NEK7: variants seen among roughly 807,000 people sequenced by gnomAD.
NEK7 encodes NIMA related kinase 7.
NEK7 carries 18 observed loss-of-function variants against 44.6 expected under a neutral mutation model. The observed-to-expected ratio is 0.40, with a 90% CI of 0.28 to 0.60. NEK7 has a LOEUF of 0.60. NEK7 is among the 20% of genes least tolerant of loss of function. NEK7 has a pLI of 0.38. For synonymous variants in NEK7, 130 were observed against 121.1 expected (o/e 1.07, Z -0.48); for missense variants, 256 against 366.5 (o/e 0.70, Z 2.46).
chr1:198,297,080 T>A, intron 8 of NEK7, 47 bp from the exon 9 acceptor site: 1 of 1,231,552 alleles, frequency 8.1e-7, no homozygotes, highest in Non-Finnish European at 1.2e-6. Flanking sequence ...AAATCACCTT[T>A]TAAGTTACCA....
chr1:198,206,095 T>G (rs1244077753), intron 1 of NEK7, among the ~76,000 whole-genome samples: 1 of 152,178 alleles, frequency 6.6e-6, no homozygotes, highest in East Asian at 1.9e-4. Context: ...AGACATCATG[T>G]TTTTGTGTTT....
chr1:198,286,676 G>A (rs2102996029), intron 7 of NEK7, among the ~76,000 whole-genome samples: 1 of 152,284 alleles, frequency 6.6e-6, no homozygotes, highest in Non-Finnish European at 1.5e-5. Context: ...ACTCTAACCA[G>A]GCTAACATCA....
intron 9 of NEK7, among the ~76,000 whole-genome samples, chr1:198,314,671 A>G (rs139530815): frequency 0.012 from 1,867 of 151,984 alleles, 49 homozygotes; most frequent in African/African-American, 0.04. Flanking sequence ...CTCAGCTGCA[A>G]GTCTGTTTGA....
intron 1 of NEK7, among the ~76,000 whole-genome samples, chr1:198,209,738 C>T (rs1480353890): frequency 6.6e-6 from 1 of 151,896 alleles, no homozygotes; most frequent in South Asian, 2.1e-4. Flanking sequence ...TAGGCTCAAG[C>T]GATCCTCCTG....
At chr1:198,261,087 T>C (rs1336328832) in intron 3 of NEK7, among the ~76,000 whole-genome samples, 1 of 152,050 alleles carries the variant, frequency 6.6e-6, no homozygotes, top group Non-Finnish European at 1.5e-5. Flanking sequence ...GCAGTAGATA[T>C]CTTTTGTTTC....
Position 198,232,515 on chromosome 1 carries a change from G to T in NEK7, c.-28-38G>T, listed in dbSNP as rs183272896. 381 of 917,002 alleles carry T rather than the reference G, an allele frequency of 4.2e-4. 2 individuals are homozygous for T. In the African/African-American group the frequency reaches 5.5e-3, roughly 13 times the overall value. The allele number at this position is 917,002 out of a possible 1,614,324, so 56.8% of individuals were successfully genotyped here. On this transcript the variant is annotated intron_variant, in intron 1 of 9. Coordinates refer to ENST00000367385, the MANE Select transcript of NEK7 (RefSeq NM_133494.3). ...ATGATGAATGATGTGAATTGGTAATGATTACATTATTTAAATTTCAACTTT... is the reference window on the plus strand; with the variant it reads ...ATGATGAATGATGTGAATTGGTAATTATTACATTATTTAAATTTCAACTTT...
rs746093848 is a variant in NEK7 at position 198,276,384 on chromosome 1, TCAAA to T, written c.373-1574_373-1571del. 2.0e-5 allele frequency among the ~76,000 whole-genome samples: 3 copies of T among 151,804 alleles called. No homozygotes were observed. The East Asian group carries it at 5.8e-4, about 29-fold the overall frequency. ...CCTGGTCCCCATCTTCCTGTTGACATCAAACAGTCCTCTGATATGCTAATCCAGC... is the reference window on the plus strand; with the variant it reads ...CCTGGTCCCCATCTTCCTGTTGACATCAGTCCTCTGATATGCTAATCCAGC... On this transcript the variant is annotated intron_variant, in intron 5 of 9. Coordinates refer to ENST00000367385, the MANE Select transcript of NEK7 (RefSeq NM_133494.3).
chr1:198,287,677 ACTTGTATGTGCTTGTTGTACAT>A (rs900055673), intron 7 of NEK7, among the ~76,000 whole-genome samples: 3 of 151,992 alleles, frequency 2.0e-5, no homozygotes, highest in Non-Finnish European at 4.4e-5. Flanking sequence ...GTGTGAGTTT[ACTTGTATGTGCTTGTTGTACAT>A]CCTAAAAATG....
intron 2 of NEK7, among the ~76,000 whole-genome samples, chr1:198,235,684 A>T (rs1276322722): frequency 6.6e-6 from 1 of 152,206 alleles, no homozygotes; most frequent in Non-Finnish European, 1.5e-5. Context: ...TGGTAGAGTC[A>T]CATTTTTTTC....
At chr1:198,189,374 C>T (rs375993506) in intron 1 of NEK7, among the ~76,000 whole-genome samples, 45 of 152,044 alleles carry the variant, frequency 3.0e-4, no homozygotes, top group African/African-American at 9.7e-4. Context: ...TTGCATCTTT[C>T]GAGTTAAAAG....
At chr1:198,263,218 G>C (rs1007570401) in intron 4 of NEK7, among the ~76,000 whole-genome samples, 1 of 151,782 alleles carries the variant, frequency 6.6e-6, no homozygotes, top group Non-Finnish European at 1.5e-5. Context: ...TTAACTTTTA[G>C]TTAAGACTTC....
intron 1 of NEK7, among the ~76,000 whole-genome samples, chr1:198,174,227 G>A (rs866241795): frequency 2.0e-5 from 3 of 152,102 alleles, no homozygotes; most frequent in African/African-American, 2.4e-5. Context: ...GATTTACCTT[G>A]TAAGTACATT....
chr1:198,285,539 A>G (rs1200089676), intron 7 of NEK7, among the ~76,000 whole-genome samples: 1 of 152,122 alleles, frequency 6.6e-6, no homozygotes, highest in Non-Finnish European at 1.5e-5. Flanking sequence ...TTATATTCAT[A>G]TCAACATACG....
chr1:198,252,921 T>C, intron 2 of NEK7, 119 bp from the exon 3 acceptor site: 1 of 764,114 alleles, frequency 1.3e-6, no homozygotes, highest in Middle Eastern at 2.7e-4. Flanking sequence ...TGTTGTTGAG[T>C]GAATGGATGT....
intron 1 of NEK7, among the ~76,000 whole-genome samples, chr1:198,178,403 A>G (rs1227502865): frequency 6.6e-6 from 1 of 152,094 alleles, no homozygotes; most frequent in Non-Finnish European, 1.5e-5. Flanking sequence ...TATTAATATC[A>G]AAGCCTGCAA....
chr1:198,301,530 A>T (rs143030762), intron 9 of NEK7, among the ~76,000 whole-genome samples: 8,655 of 152,300 alleles, frequency 0.057, 905 homozygotes, highest in African/African-American at 0.2. Flanking sequence ...AGCCTGGGCG[A>T]CAGAGCAAGA....
chr1:198,279,561 A>C (rs1252359405), intron 7 of NEK7, among the ~76,000 whole-genome samples: 2 of 151,950 alleles, frequency 1.3e-5, no homozygotes, highest in African/African-American at 4.8e-5. Context: ...AAACTCCTCA[A>C]ATTATATATT....
chr1:198,267,224 C>T lies in NEK7; in HGVS notation c.372+2989C>T, dbSNP rs552931308. ...TCATCATTTAAATATGCTCAGGTCA[C>T]TGTTATTTTAAACATATTTACATGT... On this transcript the variant is annotated intron_variant, in intron 5 of 9. Coordinates refer to ENST00000367385, the MANE Select transcript of NEK7 (RefSeq NM_133494.3). 9.2e-5 allele frequency among the ~76,000 whole-genome samples: 14 copies of T among 152,174 alleles called. No individual in the cohort carries two copies. The South Asian group carries it at 2.7e-3, about 29-fold the overall frequency.
chr1:198,282,265 G>T (rs1252042441), intron 7 of NEK7, among the ~76,000 whole-genome samples: 1 of 151,986 alleles, frequency 6.6e-6, no homozygotes, highest in Non-Finnish European at 1.5e-5. Flanking sequence ...ATCTGATTGT[G>T]TTACTTTCCT....
Sources: gnomAD v4.1 joint callset for allele counts (sites outside exome capture counted in the v4.1 genomes callset) on GRCh38, gnomAD v4.1.1 for gene constraint, MANE v1.5 for transcripts, NCBI Gene and HGNC (gene_info 2026-07-23, HGNC 2026-07-21) for gene names.